Variants in PCDH15 observed in about 807,000 individuals in gnomAD.
PCDH15 encodes protocadherin related 15.
PCDH15 carries 129 observed loss-of-function variants against 178.5 expected under a neutral mutation model. The observed-to-expected ratio is 0.72, with a 90% CI of 0.63 to 0.84. The LOEUF is 0.84. PCDH15 is among the 40% of genes least tolerant of loss of function. PCDH15 has a pLI of 0.00. For synonymous variants in PCDH15, 800 were observed against 732.0 expected (o/e 1.09, Z -1.50); for missense variants, 2,230 against 2,099.9 (o/e 1.06, Z -1.21).
intron 2 of PCDH15, among the ~76,000 whole-genome samples, chr10:55,077,314 ATTTGTCTGGTTGT>A (rs1841920662): frequency 6.6e-6 from 1 of 151,652 alleles, no homozygotes; most frequent in African/African-American, 2.4e-5. Flanking sequence ...TTCACAGTGT[ATTTGTCTGGTTGT>A]TTTGCATGTG....
At chr10:55,195,027 T>TTC (rs1381904096) in intron 1 of PCDH15, among the ~76,000 whole-genome samples, 1 of 151,202 alleles carries the variant, frequency 6.6e-6, no homozygotes, top group Admixed American at 6.6e-5. Flanking sequence ...AAGAAAATTT[T>TTC]TTTTTTTTTT....
intron 3 of PCDH15, among the ~76,000 whole-genome samples, chr10:54,826,385 T>C (rs769450253): frequency 7.2e-5 from 11 of 151,920 alleles, no homozygotes; most frequent in Admixed American, 1.3e-4. Context: ...GGATTTAAAA[T>C]GGTAGATGTG....
chr10:54,466,947 T>C (rs1243101989), intron 3 of PCDH15, among the ~76,000 whole-genome samples: 1 of 151,944 alleles, frequency 6.6e-6, no homozygotes, highest in Non-Finnish European at 1.5e-5. Context: ...TTGATTCTTC[T>C]TTCTTAGCTA....
chr10:55,562,588 T>A (rs533259099), intron 2 of PCDH15, among the ~76,000 whole-genome samples: 214 of 152,080 alleles, frequency 1.4e-3, no homozygotes, highest in African/African-American at 4.7e-3. Context: ...TACCTGAGCA[T>A]ACCAAGTCCT....
intron 23 of PCDH15, 117 bp downstream of exon 23, chr10:53,959,615 C>T (rs552683536): frequency 1.9e-4 from 139 of 726,564 alleles, no homozygotes; most frequent in Middle Eastern, 5.1e-4. Flanking sequence ...AATTTAGAAA[C>T]GCCTAAACCA....
upstream of PCDH15, among the ~76,000 whole-genome samples, chr10:55,322,807 G>GGC (rs1341888110): frequency 2.0e-5 from 3 of 151,172 alleles, no homozygotes; most frequent in Admixed American, 6.6e-5. Context: ...AAAAAAATGG[G>GGC]GGGGGAGAAA....
At chr10:54,890,110 C>G (rs1353232189) in intron 3 of PCDH15, among the ~76,000 whole-genome samples, 3 of 151,926 alleles carry the variant, frequency 2.0e-5, no homozygotes, top group African/African-American at 7.2e-5. Flanking sequence ...GTGTCTTTGG[C>G]TTTTGAAGTG....
At chr10:55,152,286 T>C (rs1838748321) in intron 2 of PCDH15, among the ~76,000 whole-genome samples, 1 of 152,102 alleles carries the variant, frequency 6.6e-6, no homozygotes, top group Non-Finnish European at 1.5e-5. Flanking sequence ...CTCATGTGGA[T>C]AAATACAGTC....
At chr10:55,584,287 A>T (rs2132123938) in intron 2 of PCDH15, among the ~76,000 whole-genome samples, 1 of 152,184 alleles carries the variant, frequency 6.6e-6, no homozygotes. Context: ...AGTGGGAGAA[A>T]AATCACATAA....
chr10:53,888,318 G>GTATATATATATGTATGTACATATATA, intron 26 of PCDH15, among the ~76,000 whole-genome samples: 1 of 91,822 alleles, frequency 1.1e-5, no homozygotes, highest in Admixed American at 1.2e-4. Flanking sequence ...ATGTATATAT[G>GTATATATATATGTATGTACATATATA]TACGTATATA....
At chr10:55,113,223 A>G (rs192684606) in intron 2 of PCDH15, among the ~76,000 whole-genome samples, 9 of 152,304 alleles carry the variant, frequency 5.9e-5, no homozygotes, top group Non-Finnish European at 1.2e-4. Context: ...CAATTAAGGA[A>G]TTATTATAGA....
At chr10:55,568,934 A>G (rs535772955) in intron 2 of PCDH15, among the ~76,000 whole-genome samples, 3 of 152,104 alleles carry the variant, frequency 2.0e-5, no homozygotes, top group African/African-American at 7.2e-5. Context: ...CAGCTGTGTG[A>G]TGCTAGTTGA....
At chr10:55,154,930 C>G (rs2589438) in intron 2 of PCDH15, among the ~76,000 whole-genome samples, 1 of 152,072 alleles carries the variant, frequency 6.6e-6, no homozygotes, top group Admixed American at 6.6e-5. Flanking sequence ...ATTCACACCC[C>G]TGACATACTT....
intron 1 of PCDH15, among the ~76,000 whole-genome samples, chr10:55,196,920 T>C (rs534548858): frequency 6.6e-6 from 1 of 152,130 alleles, no homozygotes; most frequent in East Asian, 1.9e-4. Context: ...CATGGTTATA[T>C]TGGAGAAAGA....
intron 6 of PCDH15, among the ~76,000 whole-genome samples, chr10:54,344,523 A>T (rs1309681650): frequency 6.6e-6 from 1 of 152,168 alleles, no homozygotes; most frequent in Non-Finnish European, 1.5e-5. Context: ...CATGCAATAA[A>T]TATCTCCCTA....
At chr10:54,231,374 C>T (rs953516571) in intron 9 of PCDH15, among the ~76,000 whole-genome samples, 1 of 152,334 alleles carries the variant, frequency 6.6e-6, no homozygotes, top group Non-Finnish European at 1.5e-5. Context: ...GGCTTGGAAG[C>T]CTCCACTTAC....
At chr10:55,140,920 G>A (rs188845020) in intron 2 of PCDH15, among the ~76,000 whole-genome samples, 115 of 152,120 alleles carry the variant, frequency 7.6e-4, no homozygotes, top group African/African-American at 2.6e-3. Context: ...GATGTCTACA[G>A]AATCTGTAGT....
chr10:54,811,177 C>T (rs529846112), intron 3 of PCDH15, among the ~76,000 whole-genome samples: 2 of 151,788 alleles, frequency 1.3e-5, no homozygotes, highest in South Asian at 4.1e-4. Context: ...AGTGCAATGT[C>T]ATCTTGACAA....
At chr10:55,603,434 C>T (rs1231737975) in intron 2 of PCDH15, among the ~76,000 whole-genome samples, 2 of 151,590 alleles carry the variant, frequency 1.3e-5, no homozygotes, top group African/African-American at 4.9e-5. Flanking sequence ...CTCCAAGACA[C>T]ATAATTGTCA....
Sources: gnomAD v4.1 joint callset for allele counts (sites outside exome capture counted in the v4.1 genomes callset) on GRCh38, gnomAD v4.1.1 for gene constraint, MANE v1.5 for transcripts, NCBI Gene and HGNC (gene_info 2026-07-23, HGNC 2026-07-21) for gene names.